MACROD2: variants seen among roughly 807,000 people sequenced by gnomAD.
MACROD2 encodes mono-ADP ribosylhydrolase 2, also known as ADP-ribose glycohydrolase MACROD2.
A neutral mutation model predicts 70.4 loss-of-function variants in MACROD2; 36 were observed. That is an observed-to-expected ratio of 0.51 (90% CI 0.39 to 0.68). The LOEUF (loss-of-function observed/expected upper bound fraction) is 0.68. MACROD2 is among the 30% of genes least tolerant of loss of function. The probability of loss-of-function intolerance (pLI) is 0.00; values close to 1 mark genes in which losing one functional copy is unlikely to be tolerated. For synonymous variants in MACROD2, 172 were observed against 178.8 expected, an observed-to-expected ratio of 0.96 and a Z score of 0.30; for missense variants, 496 against 538.4, an observed-to-expected ratio of 0.92 and a Z score of 0.78.
chr20:16,022,047 C>CTTTTTTTT (rs543662575), intron 15 of MACROD2, among the ~76,000 whole-genome samples: 25 of 108,952 alleles, frequency 2.3e-4, no homozygotes, highest in East Asian at 8.2e-4. Context: ...GTTTCAGTTT[C>CTTTTTTTT]TTTTTTTTTT....
chr20:15,338,410 C>A (rs1462180386), intron 6 of MACROD2, among the ~76,000 whole-genome samples: 1 of 151,576 alleles, frequency 6.6e-6, no homozygotes. Context: ...AAGTGCCCTG[C>A]TGCCATAGCG....
chr20:14,434,713 G>A (rs1270573461), intron 3 of MACROD2, among the ~76,000 whole-genome samples: 3 of 151,908 alleles, frequency 2.0e-5, no homozygotes, highest in Non-Finnish European at 4.4e-5. Context: ...TAACTCTCTT[G>A]ACTCTATGTC....
intron 5 of MACROD2, among the ~76,000 whole-genome samples, chr20:14,695,414 C>G (rs1160996937): frequency 6.6e-6 from 1 of 152,210 alleles, no homozygotes; most frequent in Non-Finnish European, 1.5e-5. Context: ...CTCAAGGTCT[C>G]AAGATCCTTA....
intron 5 of MACROD2, among the ~76,000 whole-genome samples, chr20:15,223,507 C>A (rs528688938): frequency 2.0e-4 from 30 of 152,292 alleles, no homozygotes; most frequent in Middle Eastern, 3.4e-3. Flanking sequence ...CTAGGGGCTA[C>A]AATTACATTC....
At chr20:15,513,761 A>T (rs960559515) in intron 8 of MACROD2, among the ~76,000 whole-genome samples, 1 of 152,236 alleles carries the variant, frequency 6.6e-6, no homozygotes, top group Non-Finnish European at 1.5e-5. Context: ...ACCCCAGGGT[A>T]ACTGGATTTC....
chr20:15,445,197 GAA>G, intron 7 of MACROD2, among the ~76,000 whole-genome samples: 1 of 152,258 alleles, frequency 6.6e-6, no homozygotes, highest in African/African-American at 2.4e-5. Context: ...CTGTTTGCTT[GAA>G]TTTGCTGCTT....
chr20:15,176,318 C>T (rs2076461525), intron 5 of MACROD2, among the ~76,000 whole-genome samples: 2 of 152,210 alleles, frequency 1.3e-5, no homozygotes, highest in South Asian at 4.1e-4. Context: ...GGTGAAATCC[C>T]ACCTTCAAGC....
chr20:15,626,339 C>G (rs952466773), intron 8 of MACROD2, among the ~76,000 whole-genome samples: 2 of 152,160 alleles, frequency 1.3e-5, no homozygotes, highest in South Asian at 2.1e-4. Flanking sequence ...AAATAGAATT[C>G]ATTTCTCATC....
chr20:14,023,654 G>A (rs1208956275), intron 2 of MACROD2, among the ~76,000 whole-genome samples: 2 of 152,188 alleles, frequency 1.3e-5, no homozygotes, highest in African/African-American at 4.8e-5. Flanking sequence ...TTATTAAATA[G>A]GGAATCCTTT....
intron 3 of MACROD2, among the ~76,000 whole-genome samples, chr20:14,093,147 C>T (rs972088749): frequency 6.6e-6 from 1 of 152,142 alleles, no homozygotes; most frequent in Non-Finnish European, 1.5e-5. Context: ...GTGGCATAAT[C>T]ATAGCTCAAT....
At chr20:14,627,720 G>T (rs1395512590) in intron 4 of MACROD2, among the ~76,000 whole-genome samples, 1 of 152,156 alleles carries the variant, frequency 6.6e-6, no homozygotes, top group Non-Finnish European at 1.5e-5. Context: ...CCCTTTGTGT[G>T]TTTTGATTCT....
At chr20:14,299,941 G>A (rs1007983720) in intron 3 of MACROD2, among the ~76,000 whole-genome samples, 1 of 151,722 alleles carries the variant, frequency 6.6e-6, no homozygotes, top group Non-Finnish European at 1.5e-5. Flanking sequence ...TTTATTCCAA[G>A]AAGCTCGATA....
At chr20:15,405,918 C>A (rs2045993792) in intron 6 of MACROD2, among the ~76,000 whole-genome samples, 1 of 152,110 alleles carries the variant, frequency 6.6e-6, no homozygotes, top group Admixed American at 6.6e-5. Flanking sequence ...GTACTCAGCC[C>A]ACTTTTGCTC....
Position 14,119,459 on chromosome 20 carries a change from C to T in MACROD2, c.271+33731C>T, listed in dbSNP as rs140379490. 2.9e-3 allele frequency among the ~76,000 whole-genome samples: 447 copies of T among 152,262 alleles called. 4 individuals are homozygous for T. Among genetic ancestry groups the T allele is most frequent in the African/African-American group, 0.01 (428 of 41,554 alleles). On this transcript the variant is annotated intron_variant, in intron 3 of 17. Coordinates refer to ENST00000684519, the MANE Select transcript of MACROD2 (RefSeq NM_001351661.2). ...TGCTGGGATTATAGGCATGAGCCAT[C>T]GCACCTGGCCATGACTGGATTTTTA...
chr20:15,935,734 G>A (rs2065648348), intron 11 of MACROD2, among the ~76,000 whole-genome samples: 1 of 152,138 alleles, frequency 6.6e-6, no homozygotes, highest in South Asian at 2.1e-4. Flanking sequence ...AGGCACTGAA[G>A]AATAAACCAA....
chr20:15,479,265 CTTTTTTTT>C (rs767435610), intron 7 of MACROD2, among the ~76,000 whole-genome samples: 36 of 87,752 alleles, frequency 4.1e-4, no homozygotes, highest in Non-Finnish European at 5.0e-4. Flanking sequence ...TTCTCGCTCT[CTTTTTTTT>C]TTTTTTTTTT....
At chr20:15,351,818 A>G (rs1297527366) in intron 6 of MACROD2, among the ~76,000 whole-genome samples, 2 of 152,194 alleles carry the variant, frequency 1.3e-5, no homozygotes, top group Non-Finnish European at 2.9e-5. Context: ...TCTACTAGGC[A>G]TGCCAAACAT....
At chr20:15,961,560 C>T (rs553504468) in intron 12 of MACROD2, among the ~76,000 whole-genome samples, 5 of 152,244 alleles carry the variant, frequency 3.3e-5, no homozygotes, top group Non-Finnish European at 4.4e-5. Context: ...TCAACTTCTC[C>T]GTAAAATAAA....
intron 3 of MACROD2, among the ~76,000 whole-genome samples, chr20:14,397,152 A>G (rs1458875369): frequency 6.6e-6 from 1 of 151,346 alleles, no homozygotes; most frequent in Non-Finnish European, 1.5e-5. Context: ...GTGCCACCAC[A>G]CCTGGGTAAT....
Sources: gnomAD v4.1 joint callset for allele counts (sites outside exome capture counted in the v4.1 genomes callset) on GRCh38, gnomAD v4.1.1 for gene constraint, MANE v1.5 for transcripts, NCBI Gene and HGNC (gene_info 2026-07-23, HGNC 2026-07-21) for gene names.